Variants in PSMA5 observed in about 807,000 individuals in gnomAD.
The protein encoded by PSMA5 is proteasome subunit alpha type-5.
In PSMA5, 3 loss-of-function variants were observed where a neutral mutation model predicts 34.5. That is an observed-to-expected ratio of 0.09 (90% CI 0.04 to 0.22). The LOEUF is 0.22. PSMA5 is among the 10% of genes least tolerant of loss of function. The pLI is 1.00. For missense variants in PSMA5, 120 were observed against 286.1 expected, an observed-to-expected ratio of 0.42 and a Z score of 4.19; for synonymous variants, 88 against 95.8, an observed-to-expected ratio of 0.92 and a Z score of 0.47.
intron 6 of PSMA5, among the ~76,000 whole-genome samples, chr1:109,411,531 A>C (rs545656907): frequency 1.3e-5 from 2 of 151,544 alleles, no homozygotes; most frequent in East Asian, 3.9e-4. Flanking sequence ...AACGGTATAG[A>C]ATCACTAAAC....
At chr1:109,410,096 G>T in intron 7 of PSMA5, 82 bp from the exon 8 acceptor site, 1 of 901,648 alleles carries the variant, frequency 1.1e-6, no homozygotes, top group Non-Finnish European at 1.8e-6. Context: ...TTATCTCACT[G>T]AAAAAAGTAT....
At chr1:109,426,256 C>T (rs1355206972) in intron 1 of PSMA5, 46 bp downstream of exon 1, 2 of 1,611,482 alleles carry the variant, frequency 1.2e-6, no homozygotes, top group South Asian at 1.1e-5. Context: ...AGGTCCCGGG[C>T]CTGCCCACCC....
chr1:109,407,118 T>C (rs545884557), intron 8 of PSMA5, among the ~76,000 whole-genome samples: 1 of 152,244 alleles, frequency 6.6e-6, no homozygotes, highest in East Asian at 1.9e-4. Flanking sequence ...CTGGAGTAGC[T>C]GGGACTATAG....
At chr1:109,423,942 A>G (rs1392169242) in intron 1 of PSMA5, among the ~76,000 whole-genome samples, 2 of 152,218 alleles carry the variant, frequency 1.3e-5, no homozygotes, top group African/African-American at 2.4e-5. Context: ...GCCTCGTATT[A>G]AAAACCATTC....
chr1:109,416,423 C>G (rs1366054369), intron 2 of PSMA5, among the ~76,000 whole-genome samples: 1 of 152,212 alleles, frequency 6.6e-6, no homozygotes, highest in Non-Finnish European at 1.5e-5. Flanking sequence ...TATCTCCTAC[C>G]CTTGCACCCC....
At chr1:109,418,514 AC>A (rs1281026847) in intron 2 of PSMA5, among the ~76,000 whole-genome samples, 2 of 152,184 alleles carry the variant, frequency 1.3e-5, no homozygotes, top group African/African-American at 4.8e-5. Context: ...ACAAAGTCTC[AC>A]TATGTTGCTC....
intron 8 of PSMA5, among the ~76,000 whole-genome samples, chr1:109,403,408 G>A (rs889833323): frequency 6.6e-5 from 10 of 151,796 alleles, no homozygotes; most frequent in Admixed American, 2.6e-4. Context: ...AGGATCACTT[G>A]AGCCCGAGAG....
chr1:109,425,701 T>C (rs1654627104), intron 1 of PSMA5: 1 of 152,750 alleles, frequency 6.5e-6, no homozygotes, highest in African/African-American at 2.4e-5. Flanking sequence ...AAAAGTTTTT[T>C]AAAACTTGCT....
intron 4 of PSMA5, chr1:109,412,847 A>C: frequency 2.3e-6 from 1 of 433,728 alleles, no homozygotes; most frequent in Non-Finnish European, 4.1e-6. Context: ...AAAAAGGAAG[A>C]CACTGTCAGC....
rs1217437955 is a variant in PSMA5, at chr1:109,401,457, A to C, written c.*556T>G. 6.6e-6 allele frequency: 1 copy of C among 152,196 alleles called. No homozygotes were observed. Among genetic ancestry groups the C allele is most frequent in the Non-Finnish European group, 1.5e-5 (1 of 68,030 alleles). 9.4% of individuals were successfully genotyped at this position (152,196 alleles called of 1,614,324 possible). On this transcript the variant is annotated 3_prime_UTR_variant, in exon 9 of 9. Coordinates refer to ENST00000271308, the MANE Select transcript of PSMA5 (RefSeq NM_002790.4). ...AATACACGTTTGCTCCAGAAATTAT[A>C]GGGCCGAAATGGATTTACAGTGCTG...
chr1:109,408,460 C>G (rs757242456), intron 8 of PSMA5, among the ~76,000 whole-genome samples: 1 of 152,162 alleles, frequency 6.6e-6, no homozygotes, highest in Non-Finnish European at 1.5e-5. Context: ...AGTATCACCC[C>G]AGGTTCTTAT....
At chr1:109,421,482 GAAAA>G (rs1252473470) in intron 2 of PSMA5, among the ~76,000 whole-genome samples, 2 of 139,662 alleles carry the variant, frequency 1.4e-5, no homozygotes, top group Non-Finnish European at 3.0e-5. Context: ...AAAAAAGAAA[GAAAA>G]AGAAAGAATA....
At chr1:109,403,234 G>T (rs1248191655) in intron 8 of PSMA5, among the ~76,000 whole-genome samples, 1 of 152,096 alleles carries the variant, frequency 6.6e-6, no homozygotes, top group African/African-American at 2.4e-5. Flanking sequence ...ACAGTTTTGG[G>T]CAATACTGAG....
intron 2 of PSMA5, among the ~76,000 whole-genome samples, chr1:109,417,780 C>G (rs1485297559): frequency 6.6e-6 from 1 of 152,112 alleles, no homozygotes; most frequent in Admixed American, 6.5e-5. Context: ...AACTTTTTGA[C>G]CAAAAGCCAC....
intron 8 of PSMA5, among the ~76,000 whole-genome samples, chr1:109,402,635 TTAAC>T (rs1483560586): frequency 6.6e-6 from 1 of 152,220 alleles, no homozygotes; most frequent in East Asian, 1.9e-4. Context: ...CAAATAATCA[TTAAC>T]TATTGTCAGG....
chr1:109,416,716 T>G (rs181396967), intron 2 of PSMA5, among the ~76,000 whole-genome samples: 1 of 152,348 alleles, frequency 6.6e-6, no homozygotes, highest in Non-Finnish European at 1.5e-5. Context: ...AGAAGTGTTA[T>G]TAAATGTACA....
In PSMA5 at chr1:109,401,913, A is replaced by G; in HGVS notation, c.*100T>C. 2.2e-6 allele frequency: 2 copies of G among 915,942 alleles called. No individual in the cohort carries two copies. The highest frequency in any genetic ancestry group is 3.3e-6 in the Non-Finnish European group (2 of 600,200). The allele number at this position is 915,942 out of a possible 1,614,324, so 56.7% of individuals were successfully genotyped here. On this transcript the variant is annotated 3_prime_UTR_variant, in exon 9 of 9. Transcript: ENST00000271308. ...TACAGACATCATTTAAAAAATGCAC[A>G]TACAATGGAGATTTTCCAAGGAACA... is the stretch of plus-strand genomic sequence containing the variant.
In PSMA5 at chr1:109,399,349, AACT is replaced by A. The variant is rs1282124429; in HGVS notation, c.*2661_*2663del. 5 of 152,204 alleles carry A rather than the reference AACT, an allele frequency of 3.3e-5. No individual in the cohort carries two copies. Among genetic ancestry groups the A allele is most frequent in the Non-Finnish European group, 5.9e-5 (4 of 68,036 alleles). 9.4% of individuals were successfully genotyped at this position (152,204 alleles called of 1,614,324 possible). On this transcript the variant is annotated 3_prime_UTR_variant, in exon 9 of 9. Coordinates refer to ENST00000271308, the MANE Select transcript of PSMA5 (RefSeq NM_002790.4). ...TGGTGAACAATTTGTTCCTTTCCAT[AACT>A]ACTATCAGATTAATTTAAAAAAGAT...
chr1:109,408,749 G>C (rs1479967953), intron 8 of PSMA5, among the ~76,000 whole-genome samples: 2 of 151,232 alleles, frequency 1.3e-5, no homozygotes, highest in African/African-American at 2.4e-5. Flanking sequence ...GGAGTGCAGT[G>C]GTGCAATCTC....
Sources: allele counts gnomAD v4.1 joint callset (sites outside exome capture counted in the v4.1 genomes callset), GRCh38; gene constraint gnomAD v4.1.1; transcripts MANE v1.5; gene names NCBI Gene and HGNC (gene_info 2026-07-23, HGNC 2026-07-21).